The following OXR1 variants were observed in gnomAD, a reference collection of about 807,000 sequenced individuals.
OXR1 encodes the protein oxidation resistance 1, also known as oxidation resistance protein 1.
In OXR1, 41 loss-of-function variants were observed where a neutral mutation model predicts 104.6. That is an observed-to-expected ratio of 0.39 (90% CI 0.31 to 0.51). The LOEUF (loss-of-function observed/expected upper bound fraction) is 0.51, where lower values mean the gene tolerates loss of function less well. Ranked by LOEUF, OXR1 falls within the 20% of genes least tolerant of loss-of-function variation. OXR1 has a pLI of 0.77. For synonymous variants in OXR1, 348 were observed against 348.4 expected (o/e 1.00, Z 0.01); for missense variants, 955 against 1,031.9 (o/e 0.93, Z 1.02).
At chr8:106,347,868 C>T (rs1313962582) in intron 1 of OXR1, among the ~76,000 whole-genome samples, 3 of 152,106 alleles carry the variant, frequency 2.0e-5, no homozygotes, top group Non-Finnish European at 4.4e-5. Context: ...TAAATAATAT[C>T]ATATTATTAA....
At chr8:106,725,831 G>T (rs552563312) in intron 11 of OXR1, among the ~76,000 whole-genome samples, 1 of 152,192 alleles carries the variant, frequency 6.6e-6, no homozygotes, top group African/African-American at 2.4e-5. Context: ...ATAACAAAAT[G>T]TTCATTCAAA....
At chr8:106,661,702 G>A (rs1050201831) in intron 3 of OXR1, among the ~76,000 whole-genome samples, 4 of 152,080 alleles carry the variant, frequency 2.6e-5, no homozygotes, top group African/African-American at 9.7e-5. Flanking sequence ...TTCCCACTTG[G>A]TGACAGGATT....
rs1054775490 is a variant in OXR1, at chr8:106,526,635, C to T, written c.220+7496C>T. Among the ~76,000 whole-genome samples, 10 of 152,314 alleles carry T rather than the reference C, an allele frequency of 6.6e-5. No individual in the cohort carries two copies. In the East Asian group the frequency reaches 7.7e-4, roughly 12 times the overall value. ...TCGGCTCGCTGCAAGCTCCGCCTCC[C>T]GGGTTCACGCCATTCTCCTGCCTCA... On this transcript the variant is annotated intron_variant, in intron 3 of 16. Transcript: ENST00000517566.
intron 3 of OXR1, among the ~76,000 whole-genome samples, chr8:106,529,272 C>G (rs1221335284): frequency 6.6e-6 from 1 of 152,160 alleles, no homozygotes; most frequent in Admixed American, 6.5e-5. Flanking sequence ...TCTCCATGTG[C>G]ATGTTTGTTG....
At chr8:106,308,674 C>T (rs911953976) in intron 1 of OXR1, among the ~76,000 whole-genome samples, 8 of 151,934 alleles carry the variant, frequency 5.3e-5, no homozygotes, top group African/African-American at 1.7e-4. Context: ...TTTACATGAT[C>T]GCCTATTGAT....
intron 3 of OXR1, among the ~76,000 whole-genome samples, chr8:106,525,189 C>T (rs936384235): frequency 6.6e-6 from 1 of 152,230 alleles, no homozygotes; most frequent in South Asian, 2.1e-4. Context: ...GCTCAGAATT[C>T]AGTTGGAGGA....
chr8:106,633,887 T>C (rs1038056767), intron 3 of OXR1, among the ~76,000 whole-genome samples: 3 of 152,204 alleles, frequency 2.0e-5, no homozygotes, highest in Non-Finnish European at 4.4e-5. Flanking sequence ...TGCAGGAGCT[T>C]ATTAAACAAA....
At chr8:106,323,337 A>C (rs1166406097) in intron 1 of OXR1, among the ~76,000 whole-genome samples, 1 of 152,128 alleles carries the variant, frequency 6.6e-6, no homozygotes, top group South Asian at 2.1e-4. Context: ...AGGCATATGC[A>C]GAAGATTCTT....
At chr8:106,548,993 A>G (rs1340959436) in intron 3 of OXR1, among the ~76,000 whole-genome samples, 1 of 152,184 alleles carries the variant, frequency 6.6e-6, no homozygotes, top group African/African-American at 2.4e-5. Flanking sequence ...CCGCACATCC[A>G]TGAATATATT....
At chr8:106,619,533 C>A (rs904181855) in intron 3 of OXR1, among the ~76,000 whole-genome samples, 2 of 152,008 alleles carry the variant, frequency 1.3e-5, no homozygotes, top group African/African-American at 4.8e-5. Flanking sequence ...AATTCTAAAA[C>A]TTTTAAGTCA....
At chr8:106,519,473 C>T (rs1023241038) in intron 3 of OXR1, among the ~76,000 whole-genome samples, 2 of 152,142 alleles carry the variant, frequency 1.3e-5, no homozygotes, top group Admixed American at 6.6e-5. Flanking sequence ...TTCATTTTAG[C>T]CATTGTTCAG....
chr8:106,562,057 GC>G (rs1396149643), intron 3 of OXR1, among the ~76,000 whole-genome samples: 4 of 152,128 alleles, frequency 2.6e-5, no homozygotes, highest in African/African-American at 9.7e-5. Flanking sequence ...AATCCAGAAT[GC>G]CTCTTCTTCT....
At chr8:106,551,327 T>C (rs762680283) in intron 3 of OXR1, among the ~76,000 whole-genome samples, 2 of 152,220 alleles carry the variant, frequency 1.3e-5, no homozygotes, top group African/African-American at 4.8e-5. Context: ...CAAAATTTGG[T>C]TGAAACATAA....
intron 2 of OXR1, among the ~76,000 whole-genome samples, chr8:106,386,722 C>G (rs1343997887): frequency 6.6e-6 from 1 of 152,110 alleles, no homozygotes; most frequent in Non-Finnish European, 1.5e-5. Flanking sequence ...TGGAAGGGAA[C>G]AGTCATTGAG....
chr8:106,751,793 A>G lies in OXR1; in HGVS notation c.*852A>G, dbSNP rs1050025769. ...TTCCTCAACATACTGTGTCAGGTAT[A>G]CTGTTTTATAATTTGGTTGTTTTAG... On this transcript the variant is annotated 3_prime_UTR_variant, in exon 17 of 17. Transcript: ENST00000517566. 2 of 152,536 alleles carry G rather than the reference A, an allele frequency of 1.3e-5. No individual in the cohort carries two copies. The highest frequency in any genetic ancestry group is 6.5e-5 in the Admixed American group (1 of 15,272). 9.4% of individuals were successfully genotyped at this position (152,536 alleles called of 1,614,324 possible). A position where few individuals can be genotyped will look rare whatever the true frequency, so the allele number is the denominator to read the frequency against.
chr8:106,586,784 A>T (rs1311133814), intron 3 of OXR1, among the ~76,000 whole-genome samples: 1 of 152,172 alleles, frequency 6.6e-6, no homozygotes, highest in Non-Finnish European at 1.5e-5. Flanking sequence ...TGAGGAAAGC[A>T]GGTGGGAAGA....
intron 2 of OXR1, among the ~76,000 whole-genome samples, chr8:106,485,502 T>C (rs1810585977): frequency 6.6e-6 from 1 of 152,088 alleles, no homozygotes; most frequent in Admixed American, 6.6e-5. Flanking sequence ...AGTTATTCCA[T>C]TGATTAATCA....
chr8:106,516,952 A>G (rs1460453534), intron 2 of OXR1, among the ~76,000 whole-genome samples: 3 of 152,144 alleles, frequency 2.0e-5, no homozygotes, highest in Non-Finnish European at 4.4e-5. Flanking sequence ...GCTTGTTACT[A>G]TCTGTGGTTT....
intron 3 of OXR1, among the ~76,000 whole-genome samples, chr8:106,678,657 A>G (rs1474685345): frequency 1.3e-5 from 2 of 152,122 alleles, no homozygotes; most frequent in East Asian, 1.9e-4. Flanking sequence ...TTGGCATTCA[A>G]TCTGAAAGTA....
Sources: allele counts gnomAD v4.1 joint callset (sites outside exome capture counted in the v4.1 genomes callset), GRCh38; gene constraint gnomAD v4.1.1; transcripts MANE v1.5; gene names NCBI Gene and HGNC (gene_info 2026-07-23, HGNC 2026-07-21).